PAX3: variants seen among roughly 807,000 people sequenced by gnomAD.
PAX3 encodes the protein paired box 3.
Under a neutral mutation model 51.6 loss-of-function variants are expected in PAX3, and 14 were observed. The observed-to-expected ratio is 0.27, with a 90% CI of 0.18 to 0.42. The LOEUF (loss-of-function observed/expected upper bound fraction) is 0.42, where lower values mean the gene tolerates loss of function less well. Ranked by LOEUF, PAX3 falls within the 10% of genes least tolerant of loss-of-function variation. The pLI, the probability that PAX3 is intolerant of heterozygous loss-of-function variation, is 1.00. For synonymous variants in PAX3, 280 were observed against 253.4 expected (o/e 1.11, Z -1.00); for missense variants, 540 against 642.8 (o/e 0.84, Z 1.73).
chr2:222,260,700 T>G lies in PAX3; in HGVS notation c.587-28417A>C, dbSNP rs557698509. 1.3e-4 allele frequency among the ~76,000 whole-genome samples: 19 copies of G among 148,960 alleles called. No individual in the cohort carries two copies. The South Asian group carries it at 4.2e-3, about 33-fold the overall frequency. On this transcript the variant is annotated intron_variant, in intron 4 of 8. Transcript: ENST00000392070. ...TCCACTCCCCAGGTTCAAGCAATTC[T>G]CCTCCTCAGCTTCCTGAGTAGCTGG...
intron 4 of PAX3, among the ~76,000 whole-genome samples, chr2:222,261,839 A>G (rs891768921): frequency 6.6e-6 from 1 of 152,250 alleles, no homozygotes; most frequent in African/African-American, 2.4e-5. Context: ...TGTACGTTAA[A>G]TGTTTCATGT....
At chr2:222,286,675 A>G (rs1694844211) in intron 4 of PAX3, among the ~76,000 whole-genome samples, 1 of 152,228 alleles carries the variant, frequency 6.6e-6, no homozygotes. Flanking sequence ...CCCTAGAAGA[A>G]ATGTGCATCA....
intron 8 of PAX3, 117 bp downstream of exon 8, chr2:222,201,827 A>T: frequency 1.3e-6 from 2 of 1,592,674 alleles, no homozygotes; most frequent in Non-Finnish European, 8.5e-7. Context: ...CAAAAAAAAA[A>T]AAAAATTGAT....
intron 7 of PAX3, among the ~76,000 whole-genome samples, chr2:222,206,733 A>C (rs1331499401): frequency 6.6e-6 from 1 of 152,212 alleles, no homozygotes; most frequent in Non-Finnish European, 1.5e-5. Context: ...TAAAAAAGAT[A>C]AAAACTATGG....
intron 4 of PAX3, among the ~76,000 whole-genome samples, chr2:222,279,795 T>C (rs1164448663): frequency 1.3e-5 from 2 of 152,190 alleles, no homozygotes; most frequent in Non-Finnish European, 2.9e-5. Context: ...TTCAATAAAA[T>C]TATGAAAGTT....
At chr2:222,208,588 T>A (rs1355521614) in intron 7 of PAX3, among the ~76,000 whole-genome samples, 1 of 152,170 alleles carries the variant, frequency 6.6e-6, no homozygotes, top group Non-Finnish European at 1.5e-5. Flanking sequence ...AAACTCTTTC[T>A]GGGAGGAATG....
intron 1 of PAX3, 68 bp from the exon 2 acceptor site, chr2:222,297,281 A>G: frequency 1.6e-6 from 2 of 1,234,374 alleles, no homozygotes; most frequent in Non-Finnish European, 2.3e-6. Flanking sequence ...AAAGAACAGC[A>G]GCACGTAATT....
chr2:222,204,710 A>G (rs1691437806), intron 7 of PAX3, among the ~76,000 whole-genome samples: 1 of 152,204 alleles, frequency 6.6e-6, no homozygotes, highest in Non-Finnish European at 1.5e-5. Flanking sequence ...AATCTTAGAA[A>G]AAGCAATTTT....
At chr2:222,279,548 C>T (rs1369802755) in intron 4 of PAX3, among the ~76,000 whole-genome samples, 1 of 152,162 alleles carries the variant, frequency 6.6e-6, no homozygotes, top group East Asian at 1.9e-4. Flanking sequence ...CTGTGAAAAG[C>T]CTACACTTGT....
chr2:222,235,632 T>C (rs1692771200), intron 4 of PAX3, among the ~76,000 whole-genome samples: 1 of 152,140 alleles, frequency 6.6e-6, no homozygotes. Context: ...TTTGGGACAG[T>C]ACACCTGTCA....
chr2:222,253,758 C>T (rs575561470), intron 4 of PAX3, among the ~76,000 whole-genome samples: 1 of 152,142 alleles, frequency 6.6e-6, no homozygotes, highest in South Asian at 2.1e-4. Flanking sequence ...TCAAGTGATC[C>T]TCCCACCTCA....
At chr2:222,250,244 A>G (rs1240103161) in intron 4 of PAX3, among the ~76,000 whole-genome samples, 1 of 152,166 alleles carries the variant, frequency 6.6e-6, no homozygotes, top group Non-Finnish European at 1.5e-5. Context: ...TATCTTCTGT[A>G]GTGAATATGT....
intron 5 of PAX3, among the ~76,000 whole-genome samples, chr2:222,227,351 T>G (rs1470420657): frequency 6.6e-6 from 1 of 152,152 alleles, no homozygotes; most frequent in Non-Finnish European, 1.5e-5. Flanking sequence ...CTCAGCACTT[T>G]GGGAGGCCAA....
At chr2:222,223,430 CTG>C (rs1692272832) in intron 5 of PAX3, among the ~76,000 whole-genome samples, 1 of 152,198 alleles carries the variant, frequency 6.6e-6, no homozygotes, top group African/African-American at 2.4e-5. Flanking sequence ...TCTGCATTAA[CTG>C]TGCTTTCTCA....
Position 222,270,542 on chromosome 2 carries a change from C to T in PAX3, c.586+23625G>A, listed in dbSNP as rs1047581810. On this transcript the variant is annotated intron_variant, in intron 4 of 8. Coordinates refer to ENST00000392070, the MANE Select transcript of PAX3 (RefSeq NM_181458.4). ...TCTTCAGGGAAATCAAAAGCATCTTCTCCTCACTGGCCTTATTTTCCATGA... is the reference window on the plus strand; with the variant it reads ...TCTTCAGGGAAATCAAAAGCATCTTTTCCTCACTGGCCTTATTTTCCATGA... Among the ~76,000 whole-genome samples, 5 of 152,188 alleles carry T rather than the reference C, an allele frequency of 3.3e-5. No individual in the cohort carries two copies. In the East Asian group the frequency reaches 9.6e-4, roughly 29 times the overall value.
intron 4 of PAX3, among the ~76,000 whole-genome samples, chr2:222,269,276 A>C (rs1694165178): frequency 6.6e-6 from 1 of 152,192 alleles, no homozygotes; most frequent in Admixed American, 6.5e-5. Context: ...GGCCTGTTGA[A>C]TGCGCACAGT....
chr2:222,295,722 C>T (rs1373372271), intron 2 of PAX3, 65 bp from the exon 3 acceptor site: 13 of 1,591,790 alleles, frequency 8.2e-6, no homozygotes, highest in Non-Finnish European at 1.0e-5. Context: ...GGCGGCCCCA[C>T]CGCCTCTGGG....
At chr2:222,250,972 A>G (rs1693407089) in intron 4 of PAX3, among the ~76,000 whole-genome samples, 1 of 152,132 alleles carries the variant, frequency 6.6e-6, no homozygotes. Context: ...GAAAATGCAC[A>G]TTTGCATTTA....
At chr2:222,288,394 T>C (rs1307083823) in intron 4 of PAX3, among the ~76,000 whole-genome samples, 1 of 152,190 alleles carries the variant, frequency 6.6e-6, no homozygotes, top group Non-Finnish European at 1.5e-5. Flanking sequence ...ACATATCTAT[T>C]CCTAAATTAT....
Sources: gnomAD v4.1 joint callset for allele counts (sites outside exome capture counted in the v4.1 genomes callset) on GRCh38, gnomAD v4.1.1 for gene constraint, MANE v1.5 for transcripts, NCBI Gene and HGNC (gene_info 2026-07-23, HGNC 2026-07-21) for gene names.